TRPC3: variants seen among roughly 807,000 people sequenced by gnomAD.
TRPC3 encodes short transient receptor potential channel 3.
Under a neutral mutation model 90.9 loss-of-function variants are expected in TRPC3, and 54 were observed. The ratio of observed to expected loss-of-function variants is 0.59; its 90% CI spans 0.48 to 0.75. TRPC3 has a LOEUF of 0.75. Among genes scored for constraint, TRPC3 ranks in the 30% least tolerant of loss-of-function variants. The pLI is 0.00. For missense variants in TRPC3, 918 were observed against 1,194.5 expected (o/e 0.77, Z 3.41); for synonymous variants, 424 against 450.9 (o/e 0.94, Z 0.75).
intron 1 of TRPC3, among the ~76,000 whole-genome samples, chr4:121,943,452 T>C (rs546817542): frequency 4.6e-5 from 7 of 152,294 alleles, no homozygotes; most frequent in African/African-American, 1.7e-4. Flanking sequence ...TTTATCAGGA[T>C]AATCTAGAGG....
In TRPC3 at chr4:121,925,050, C is replaced by G. The variant is rs1210296759; in HGVS notation, c.1144G>C (p.Val382Leu). Reference sequence around the variant, plus strand: ...ACTTCATACTTAATGGCAAGTTTGACACGACTTAATGAAGCTTTGTGCCTG... The same window carrying G: ...ACTTCATACTTAATGGCAAGTTTGAGACGACTTAATGAAGCTTTGTGCCTG... ...VHRHKASLSR[V>L]KLAIKYEVKK... Residue 382 changes from valine to leucine, a missense_variant, in exon 3 of 12, where the codon GTC becomes CTC. Coordinates refer to ENST00000379645, the MANE Select transcript of TRPC3 (RefSeq NM_001130698.2). 1.2e-6 allele frequency: 2 copies of G among 1,613,028 alleles called. No individual in the cohort carries two copies. Among genetic ancestry groups the G allele is most frequent in the South Asian group, 2.2e-5 (2 of 90,838 alleles).
chr4:121,906,144 A>G (rs1196871308), intron 7 of TRPC3, among the ~76,000 whole-genome samples: 1 of 152,110 alleles, frequency 6.6e-6, no homozygotes, highest in Non-Finnish European at 1.5e-5. Context: ...CAACGACCTT[A>G]TTTAAACTTT....
chr4:121,880,479 T>C (rs1374843786), intron 11 of TRPC3, among the ~76,000 whole-genome samples: 1 of 152,074 alleles, frequency 6.6e-6, no homozygotes, highest in Admixed American at 6.6e-5. Context: ...AACAGTGCAA[T>C]TGAGGAGTTT....
At chr4:121,922,300 C>T (rs191280153) in intron 3 of TRPC3, among the ~76,000 whole-genome samples, 5 of 152,190 alleles carry the variant, frequency 3.3e-5, no homozygotes, top group South Asian at 2.1e-4. Flanking sequence ...TTCTTACACA[C>T]ATTTATTATT....
intron 6 of TRPC3, among the ~76,000 whole-genome samples, chr4:121,908,598 G>A (rs1728970278): frequency 6.6e-6 from 1 of 152,130 alleles, no homozygotes; most frequent in Admixed American, 6.6e-5. Context: ...GCAGCTGGAG[G>A]CCATTATCCT....
At chr4:121,905,809 T>C (rs1303549890) in intron 7 of TRPC3, among the ~76,000 whole-genome samples, 1 of 152,120 alleles carries the variant, frequency 6.6e-6, no homozygotes, top group Non-Finnish European at 1.5e-5. Flanking sequence ...ACCCTGAGGA[T>C]GGAGGGTTGA....
rs1267245172 is a variant in TRPC3, at chr4:121,951,953, G to T, written c.-273C>A. ...GACGAGGAAGCCCGGGGCCGAGCGG[G>T]GCTCTGGTGCTGGGAGAGGCTCTCC... On this transcript the variant is annotated 5_prime_UTR_variant, in exon 1 of 12. Transcript: ENST00000379645. This position sits in a 1 kb window ranked among gnomAD's most constrained non-coding sequence, Gnocchi z 4.4. 6.6e-6 allele frequency among the ~76,000 whole-genome samples: 1 copy of T among 151,918 alleles called. No homozygotes were observed. Among genetic ancestry groups the T allele is most frequent in the East Asian group, 2.0e-4 (1 of 5,104 alleles).
chr4:121,900,826 T>A (rs555079115), intron 9 of TRPC3, among the ~76,000 whole-genome samples: 1 of 152,164 alleles, frequency 6.6e-6, no homozygotes, highest in African/African-American at 2.4e-5. Flanking sequence ...TAACCAGATA[T>A]GGGAAGAGTG....
intron 3 of TRPC3, among the ~76,000 whole-genome samples, chr4:121,924,423 T>C (rs1417919990): frequency 1.3e-5 from 2 of 152,310 alleles, no homozygotes; most frequent in East Asian, 3.9e-4. Context: ...AATTTAAAAA[T>C]TTATGACTTA....
intron 11 of TRPC3, among the ~76,000 whole-genome samples, chr4:121,881,146 C>G (rs1727928607): frequency 6.6e-6 from 1 of 152,118 alleles, no homozygotes; most frequent in African/African-American, 2.4e-5. Context: ...CATGGGGAGA[C>G]TACAACCTAT....
chr4:121,912,232 T>C (rs1376575214), intron 4 of TRPC3, 139 bp from the exon 5 acceptor site: 33 of 666,706 alleles, frequency 4.9e-5, no homozygotes, highest in Non-Finnish European at 7.9e-5. Context: ...CTTTATATTA[T>C]GAAAAATATT....
At position 121,943,673 on chromosome 4, in the gene TRPC3, C is replaced by G. The variant is rs140492742; in HGVS notation, c.215+7793G>C. ...CATAGATAATAAAATTAAGGAACTT[C>G]TACTGACCCAAGAGAAGTTCATATT... On this transcript the variant is annotated intron_variant, in intron 1 of 11. Coordinates refer to ENST00000379645, the MANE Select transcript of TRPC3 (RefSeq NM_001130698.2). 1.2e-3 allele frequency among the ~76,000 whole-genome samples: 185 copies of G among 152,122 alleles called. 1 individual carries two copies. The highest frequency in any genetic ancestry group is 4.3e-3 in the African/African-American group (177 of 41,544).
chr4:121,878,823 C>A lies in TRPC3; in HGVS notation c.*913G>T, dbSNP rs1268154227. Among the ~76,000 whole-genome samples, 1 of 152,088 alleles carries A rather than the reference C, an allele frequency of 6.6e-6. No homozygotes were observed. The highest frequency in any genetic ancestry group is 1.5e-5 in the Non-Finnish European group (1 of 68,012). On this transcript the variant is annotated 3_prime_UTR_variant, in exon 12 of 12. Transcript: ENST00000379645. The stretch of plus-strand genomic sequence containing the variant: ...GTCACTGCTCTTTCCTATTTCTTCC[C>A]ATGAGCAGACCCTCCAAAACTCAGC...
At chr4:121,948,462 A>G (rs1317874184) in intron 1 of TRPC3, among the ~76,000 whole-genome samples, 2 of 151,796 alleles carry the variant, frequency 1.3e-5, no homozygotes, top group Non-Finnish European at 1.5e-5. Flanking sequence ...GTCATCTCCT[A>G]ATTTGTCTCT....
At chr4:121,940,489 T>C (rs1730271078) in intron 1 of TRPC3, among the ~76,000 whole-genome samples, 1 of 152,208 alleles carries the variant, frequency 6.6e-6, no homozygotes, top group South Asian at 2.1e-4. Context: ...TTGACCCTTT[T>C]ACACCTACCT....
chr4:121,897,254 T>C (rs1023412312), intron 10 of TRPC3, among the ~76,000 whole-genome samples: 1 of 151,640 alleles, frequency 6.6e-6, no homozygotes, highest in Non-Finnish European at 1.5e-5. Flanking sequence ...GAACAAGACC[T>C]CAAAAGCAGA....
rs1341374790 is a variant in TRPC3 at position 121,907,426 on chromosome 4, C to A, written c.1934G>T (p.Arg645Met). 6.2e-7 allele frequency: 1 copy of A among 1,613,306 alleles called. No homozygotes were observed. Among genetic ancestry groups the A allele is most frequent in the African/African-American group, 1.3e-5 (1 of 74,850 alleles). The change falls in exon 7 of 12, where the codon AGG (arginine) becomes ATG (methionine). Residue 645 changes from arginine (R) to methionine (M), a missense_variant. Arg to Met is a moderately conservative substitution (Grantham distance 91, BLOSUM62 -1). Transcript: ENST00000379645. Reference sequence around the variant, plus strand: ...GAACTTGAATATGTCCTTTACAGTCCTTCCAAGAGAGATCTGCAGGGGGCC... The same window carrying A: ...GAACTTGAATATGTCCTTTACAGTCATTCCAAGAGAGATCTGCAGGGGGCC... ...SFGPLQISLG[R>M]TVKDIFKFMV...
At chr4:121,925,797 T>C (rs897130243) in intron 2 of TRPC3, among the ~76,000 whole-genome samples, 1 of 152,348 alleles carries the variant, frequency 6.6e-6, no homozygotes, top group African/African-American at 2.4e-5. Flanking sequence ...GTACCCATGG[T>C]ACCCCATAAA....
intron 10 of TRPC3, among the ~76,000 whole-genome samples, chr4:121,889,351 A>T (rs1728239895): frequency 6.6e-6 from 1 of 152,194 alleles, no homozygotes; most frequent in South Asian, 2.1e-4. Context: ...TATCCAGAAT[A>T]TATAAGAAAC....
Sources: allele counts gnomAD v4.1 joint callset (sites outside exome capture counted in the v4.1 genomes callset), GRCh38; gene constraint gnomAD v4.1.1; non-coding constraint Gnocchi (gnomAD v3.1); transcripts MANE v1.5; gene names NCBI Gene and HGNC (gene_info 2026-07-23, HGNC 2026-07-21).